The following TRIM55 variants were observed in gnomAD, a reference collection of about 807,000 sequenced individuals.
TRIM55 encodes tripartite motif containing 55.
Under a neutral mutation model 60.9 loss-of-function variants are expected in TRIM55, and 50 were observed. The ratio of observed to expected loss-of-function variants is 0.82; its 90% CI spans 0.65 to 1.04. The LOEUF (loss-of-function observed/expected upper bound fraction) is 1.04. Among genes scored for constraint, TRIM55 ranks in the 50% least tolerant of loss-of-function variants. TRIM55 has a pLI of 0.00. For synonymous variants in TRIM55, 237 were observed against 238.1 expected (o/e 1.00, Z 0.04); for missense variants, 681 against 666.9 (o/e 1.02, Z -0.23).
chr8:66,127,582 T>G, intron 1 of TRIM55, 146 bp downstream of exon 1: 1 of 899,668 alleles, frequency 1.1e-6, no homozygotes, highest in East Asian at 2.5e-5. Flanking sequence ...GTCCCAGCAC[T>G]TTGGGAGGCT....
rs1220983790 is a variant in TRIM55 at position 66,150,425 on chromosome 8, A to G, written c.944A>G (p.Asn315Ser). Residue 315 changes from asparagine to serine, a missense_variant, in exon 7 of 10, where the codon AAT (asparagine) becomes AGT (serine). Transcript: ENST00000315962. ...ATGAACCACTTCACAGTCAACCTCA[A>G]TAGAGAAGAAAAGATAATACGTGAA... ...ENMNHFTVNL[N>S]REEKIIREID... The G allele has an allele frequency of 6.8e-6, 11 of 1,614,088 alleles. No individual in the cohort carries two copies. Among genetic ancestry groups the G allele is most frequent in the East Asian group, 2.2e-5 (1 of 44,896 alleles).
At chr8:66,150,601 T>C (rs1043767034) in intron 7 of TRIM55, 135 bp downstream of exon 7, 3 of 1,000,368 alleles carry the variant, frequency 3.0e-6, no homozygotes, top group Admixed American at 2.4e-5. Context: ...TCATATCCAA[T>C]GTGAAGCTCT....
At chr8:66,114,347 A>C in the TRIM55 span, among the ~76,000 whole-genome samples, 3,785 of 152,266 alleles carry the variant, frequency 0.025, 140 homozygotes, top group African/African-American at 0.085. Flanking sequence ...GGTGAAGAGT[A>C]GGGCGAGCTC....
chr8:66,135,641 A>G (rs1809441399), intron 3 of TRIM55, among the ~76,000 whole-genome samples: 3 of 152,106 alleles, frequency 2.0e-5, no homozygotes, highest in African/African-American at 7.2e-5. Flanking sequence ...GGAGGGTTAC[A>G]CTGATGACAT....
At chr8:66,153,257 G>C (rs1272825753) in intron 8 of TRIM55, among the ~76,000 whole-genome samples, 1 of 152,164 alleles carries the variant, frequency 6.6e-6, no homozygotes, top group Non-Finnish European at 1.5e-5. Flanking sequence ...ATTGTGTGTT[G>C]ACAGAATTGT....
intron 9 of TRIM55, among the ~76,000 whole-genome samples, chr8:66,164,804 C>G (rs1811231159): frequency 6.6e-6 from 1 of 152,126 alleles, no homozygotes; most frequent in Non-Finnish European, 1.5e-5. Flanking sequence ...GTCTCCAACC[C>G]AGGCTCTGTG....
chr8:66,124,059 T>TCGTCGGTTA (rs930191749), upstream of TRIM55, among the ~76,000 whole-genome samples: 1 of 152,154 alleles, frequency 6.6e-6, no homozygotes, highest in African/African-American at 2.4e-5. Flanking sequence ...TCTCACTACA[T>TCGTCGGTTA]CGTCGGTTAC....
chr8:66,164,192 C>T (rs1255384151), intron 9 of TRIM55, among the ~76,000 whole-genome samples: 1 of 152,068 alleles, frequency 6.6e-6, no homozygotes, highest in African/African-American at 2.4e-5. Flanking sequence ...ACATGGCAGG[C>T]CATGGGGAAG....
At chr8:66,129,503 C>T (rs1039490537) in intron 2 of TRIM55, among the ~76,000 whole-genome samples, 6 of 152,104 alleles carry the variant, frequency 3.9e-5, no homozygotes, top group Non-Finnish European at 5.9e-5. Flanking sequence ...TATTAATTTC[C>T]GCTAAAGATC....
chr8:66,151,128 T>C (rs959950326), intron 7 of TRIM55, among the ~76,000 whole-genome samples: 1 of 152,182 alleles, frequency 6.6e-6, no homozygotes, highest in African/African-American at 2.4e-5. Context: ...AAACAATACA[T>C]AGGAGGCATG....
chr8:66,123,566 A>AG (rs1479711086), upstream of TRIM55, among the ~76,000 whole-genome samples: 1 of 152,236 alleles, frequency 6.6e-6, no homozygotes, highest in Non-Finnish European at 1.5e-5. Flanking sequence ...GAGAAAAAAA[A>AG]AGAGAGAGAA....
At position 66,150,233 on chromosome 8, in the gene TRIM55, TA is replaced by T. The variant is rs1354534266; in HGVS notation, c.860del (p.Ile288SerfsTer13). 2.5e-6 allele frequency: 4 copies of T among 1,613,054 alleles called. No homozygotes were observed. The African/African-American group carries it at 4.0e-5, about 16-fold the overall frequency. ...CTTTCACAGAATGCCAAAACCCTGCTAAAAAAGTAAGAACTTTTTATTTTAT... is the reference window on the plus strand; with the variant it reads ...CTTTCACAGAATGCCAAAACCCTGCTAAAAAGTAAGAACTTTTTATTTTAT... ...AVFLQNAKTLLKKISEASKAF... is the reference protein window; with the variant it reads ...AVFLQNAKTLXKKISEASKAF... On this transcript the variant is annotated frameshift_variant, in exon 6 of 10. Coordinates refer to ENST00000315962, the MANE Select transcript of TRIM55 (RefSeq NM_184085.2). LOFTEE classifies it high-confidence loss of function.
upstream of TRIM55, among the ~76,000 whole-genome samples, chr8:66,125,136 T>C (rs1177095765): frequency 6.6e-6 from 1 of 152,248 alleles, no homozygotes; most frequent in Non-Finnish European, 1.5e-5. Flanking sequence ...TCTTTTCCCT[T>C]TAAATATTAA....
At chr8:66,143,319 A>G (rs1809926892) in intron 4 of TRIM55, among the ~76,000 whole-genome samples, 2 of 152,232 alleles carry the variant, frequency 1.3e-5, no homozygotes, top group South Asian at 4.1e-4. Context: ...GGGCTAGGAC[A>G]TGTAATGTAT....
Position 66,154,120 on chromosome 8 carries a change from C to T in TRIM55, c.1310C>T (p.Ala437Val), listed in dbSNP as rs777018632. The change falls in exon 9 of 10, where the codon GCG (alanine) becomes GTG (valine). Residue 437 changes from alanine to valine, a missense_variant. Ala to Val is a moderately conservative substitution (Grantham distance 64). Transcript: ENST00000315962. ...CCAGTCCCTGCAGCAGCAGAAACTG[C>T]GGATCCCTTGTTTTACCCTAGTTGG... ...ETPVPAAAET[A>V]DPLFYPSWYK... The T allele has an allele frequency of 1.1e-5, 17 of 1,613,878 alleles. No individual in the cohort carries two copies. The highest frequency in any genetic ancestry group is 6.7e-5 in the East Asian group (3 of 44,882).
In TRIM55 at chr8:66,174,600, T is replaced by C; in HGVS notation, c.*7T>C. Reference sequence around the variant, plus strand: ...GAACTCCCTAAATGAATGATATTCATTCCAACTGCTGCCCCTCTGTCTGCC... The same window carrying C: ...GAACTCCCTAAATGAATGATATTCACTCCAACTGCTGCCCCTCTGTCTGCC... On this transcript the variant is annotated 3_prime_UTR_variant, in exon 10 of 10. Coordinates refer to ENST00000315962, the MANE Select transcript of TRIM55 (RefSeq NM_184085.2). 6.3e-7 allele frequency: 1 copy of C among 1,588,390 alleles called. No individual in the cohort carries two copies.
chr8:66,113,991 T>G, the TRIM55 span, among the ~76,000 whole-genome samples: 4 of 151,198 alleles, frequency 2.6e-5, no homozygotes, highest in Non-Finnish European at 5.9e-5. Context: ...CCCGCTCCCT[T>G]CGATAGCTCA....
intron 4 of TRIM55, among the ~76,000 whole-genome samples, chr8:66,145,062 A>G (rs776720678): frequency 6.6e-6 from 1 of 152,132 alleles, no homozygotes; most frequent in Non-Finnish European, 1.5e-5. Flanking sequence ...CTGTTCCCTC[A>G]TCAGCTTAGA....
the TRIM55 span, among the ~76,000 whole-genome samples, chr8:66,118,513 A>G: frequency 6.6e-6 from 1 of 152,200 alleles, no homozygotes; most frequent in African/African-American, 2.4e-5. Context: ...TGACACAGGC[A>G]GAGGGAAAAC....
Sources: allele counts gnomAD v4.1 joint callset (sites outside exome capture counted in the v4.1 genomes callset), GRCh38; gene constraint gnomAD v4.1.1; transcripts MANE v1.5; gene names NCBI Gene and HGNC (gene_info 2026-07-23, HGNC 2026-07-21).